The following TRPM8 variants were observed in gnomAD, a reference collection of about 807,000 sequenced individuals.
The protein encoded by TRPM8 is transient receptor potential cation channel subfamily M member 8.
In TRPM8, 110 loss-of-function variants were observed where a neutral mutation model predicts 133.7. The ratio of observed to expected loss-of-function variants is 0.82; its 90% CI spans 0.70 to 0.96. TRPM8 has a LOEUF of 0.96. TRPM8 is among the 40% of genes least tolerant of loss of function. The probability of loss-of-function intolerance (pLI) is 0.00; values close to 1 mark genes in which losing one functional copy is unlikely to be tolerated. For synonymous variants in TRPM8, 535 were observed against 532.3 expected, an observed-to-expected ratio of 1.01 and a Z score of -0.07; for missense variants, 1,291 against 1,379.5, an observed-to-expected ratio of 0.94 and a Z score of 1.02.
chr2:234,006,749 C>A (rs1692702913), intron 22 of TRPM8, 104 bp from the exon 23 acceptor site: 2 of 792,716 alleles, frequency 2.5e-6, no homozygotes, highest in Non-Finnish European at 2.1e-6. Context: ...GGACGAATCT[C>A]ATTCTTAGTT....
chr2:233,969,738 C>G lies in TRPM8; in HGVS notation c.2069C>G (p.Thr690Ser). The G allele has an allele frequency of 6.2e-7, 1 of 1,613,906 alleles. No individual in the cohort carries two copies. The highest frequency in any genetic ancestry group is 8.5e-7 in the Non-Finnish European group (1 of 1,179,832). ...KQWYGEISRDTKNWKIILCLF... is the reference protein window; with the variant it reads ...KQWYGEISRDSKNWKIILCLF... The stretch of plus-strand genomic sequence containing the variant: ...TGGTATGGAGAGATTTCCCGAGACA[C>G]CAAGAACTGGAAGATTATCCTGTGT... The change falls in exon 16 of 26, where the codon ACC becomes AGC. Residue 690 changes from threonine to serine, a missense_variant. Thr to Ser is a moderately conservative substitution (Grantham distance 58). This residue lies in a region of TRPM8 where 963 missense variants were observed against 968.9 expected (regional missense o/e 0.99). Transcript: ENST00000324695.
intron 1 of TRPM8, among the ~76,000 whole-genome samples, chr2:233,919,994 G>C (rs1359577304): frequency 6.6e-6 from 1 of 152,204 alleles, no homozygotes; most frequent in African/African-American, 2.4e-5. Flanking sequence ...CTGTGGGCCA[G>C]TGGTCCTCTG....
intron 22 of TRPM8, among the ~76,000 whole-genome samples, chr2:234,002,731 A>G (rs546126154): frequency 6.6e-6 from 1 of 152,282 alleles, no homozygotes; most frequent in East Asian, 1.9e-4. Flanking sequence ...TGGAAGTGGG[A>G]AATATAGGGG....
chr2:233,958,666 A>C (rs1449700756), intron 11 of TRPM8, among the ~76,000 whole-genome samples: 1 of 152,176 alleles, frequency 6.6e-6, no homozygotes, highest in African/African-American at 2.4e-5. Context: ...ACAGAGGAGA[A>C]ATCATAGCTG....
At chr2:233,981,958 G>A (rs1291718441) in intron 19 of TRPM8, 43 bp downstream of exon 19, 3 of 1,548,230 alleles carry the variant, frequency 1.9e-6, no homozygotes, top group Non-Finnish European at 8.7e-7. Flanking sequence ...TTCTTGCGGG[G>A]CCCAGAGTTC....
chr2:233,957,958 G>A (rs775440861), intron 11 of TRPM8, among the ~76,000 whole-genome samples: 2 of 152,196 alleles, frequency 1.3e-5, no homozygotes, highest in Non-Finnish European at 2.9e-5. Flanking sequence ...GATTAAATCA[G>A]ATAATATTTC....
chr2:233,981,943 C>G, intron 19 of TRPM8, 28 bp downstream of exon 19: 1 of 1,571,754 alleles, frequency 6.4e-7, no homozygotes, highest in South Asian at 1.2e-5. Context: ...TTGTAGTCAT[C>G]ATTTTTCTTG....
At position 233,970,457 on chromosome 2, in the gene TRPM8, C is replaced by T. The variant is rs143459103; in HGVS notation, c.2355+31C>T. 9.4e-4 allele frequency: 1,504 copies of T among 1,598,146 alleles called. 7 individuals are homozygous for T. In the African/African-American group the frequency reaches 0.014, roughly 15 times the overall value. On this transcript the variant is annotated intron_variant, in intron 17 of 25. Transcript: ENST00000324695. ...GCTGCCATGACAGCAGGAACCCCCT[C>T]GCTTCCTCGGTGGGAGGCATCTTTC...
chr2:233,955,416 G>T (rs1169681444), intron 11 of TRPM8, 166 bp downstream of exon 11: 7 of 562,894 alleles, frequency 1.2e-5, no homozygotes, highest in African/African-American at 1.9e-5. Flanking sequence ...TTGCAGCATG[G>T]AATCATAACA....
At chr2:233,942,000 GA>G (rs1479927458) in intron 5 of TRPM8, among the ~76,000 whole-genome samples, 3 of 150,268 alleles carry the variant, frequency 2.0e-5, no homozygotes, top group African/African-American at 7.4e-5. Flanking sequence ...GCTGGTTAAA[GA>G]TACAGACAGA....
chr2:234,017,153 TA>T (rs769963667), intron 25 of TRPM8, 145 bp from the exon 26 acceptor site: 14,906 of 277,688 alleles, frequency 0.054, 4 homozygotes, highest in South Asian at 0.1. Flanking sequence ...GCTGCTTCTA[TA>T]AAAAAAAAAA....
chr2:233,951,649 T>A (rs1390218269), intron 9 of TRPM8, among the ~76,000 whole-genome samples: 2 of 152,204 alleles, frequency 1.3e-5, no homozygotes, highest in African/African-American at 2.4e-5. Context: ...GATTATATTA[T>A]CCTTTCTGCA....
At chr2:233,935,535 T>TA (rs1491104055) in intron 3 of TRPM8, among the ~76,000 whole-genome samples, 2 of 152,212 alleles carry the variant, frequency 1.3e-5, no homozygotes, top group East Asian at 3.8e-4. Flanking sequence ...AGGTGTAAAC[T>TA]GAGACTATTC....
rs543335027 is a variant in TRPM8 at position 233,955,494 on chromosome 2, T to C, written c.1362+244T>C. 4.2e-5 allele frequency: 13 copies of C among 310,926 alleles called. No individual in the cohort carries two copies. The East Asian group carries it at 6.1e-4, about 15-fold the overall frequency. 19.3% of individuals were successfully genotyped at this position (310,926 alleles called of 1,614,324 possible). A position where few individuals can be genotyped will look rare whatever the true frequency, so the allele number is the denominator to read the frequency against. The stretch of plus-strand genomic sequence containing the variant: ...GGTATAAAATAACATCAACTCCACA[T>C]TGCCTTCAGCTGCAAAGTGAGGGTG... On this transcript the variant is annotated intron_variant, in intron 11 of 25. Transcript: ENST00000324695.
Position 234,008,104 on chromosome 2 carries a change from G to A in TRPM8, c.3264+1G>A, listed in dbSNP as rs748542886. ...TCGATTTAGACAACTGGATACAAAG[G>A]TATGGTTCTGTTAATAGTTTGGATT... On this transcript the variant is annotated splice_donor_variant, in intron 24 of 25. Coordinates refer to ENST00000324695, the MANE Select transcript of TRPM8 (RefSeq NM_024080.5). LOFTEE classifies it high-confidence loss of function. The A allele has an allele frequency of 6.3e-7, 1 of 1,596,750 alleles. No individual in the cohort carries two copies. The highest frequency in any genetic ancestry group is 2.2e-5 in the East Asian group (1 of 44,718).
chr2:233,952,098 T>C (rs1691183312), intron 9 of TRPM8, among the ~76,000 whole-genome samples: 1 of 152,172 alleles, frequency 6.6e-6, no homozygotes, highest in East Asian at 1.9e-4. Flanking sequence ...TATCAACCAA[T>C]CTAGATATCA....
At chr2:233,978,518 G>A (rs562124019) in intron 17 of TRPM8, among the ~76,000 whole-genome samples, 1 of 151,914 alleles carries the variant, frequency 6.6e-6, no homozygotes, top group African/African-American at 2.4e-5. Context: ...TTCGTTCCTG[G>A]TTTTACAAAA....
At chr2:233,927,924 T>TCTCTCTC (rs1691593859) in intron 2 of TRPM8, among the ~76,000 whole-genome samples, 1 of 28,050 alleles carries the variant, frequency 3.6e-5, no homozygotes, top group Non-Finnish European at 5.4e-5. Context: ...CTCTCTCTCT[T>TCTCTCTC]TCTCTCTCTC....
chr2:234,009,515 G>A (rs1404380269), intron 24 of TRPM8, among the ~76,000 whole-genome samples: 1 of 152,152 alleles, frequency 6.6e-6, no homozygotes, highest in Non-Finnish European at 1.5e-5. Context: ...CAGAGGAGAG[G>A]CGGTAGAATT....
Sources: allele counts gnomAD v4.1 joint callset (sites outside exome capture counted in the v4.1 genomes callset), GRCh38; gene constraint gnomAD v4.1.1; regional missense constraint gnomAD v4.1.1; transcripts MANE v1.5; gene names NCBI Gene and HGNC (gene_info 2026-07-23, HGNC 2026-07-21).